The following ABCA13 variants were observed in gnomAD, a reference collection of about 807,000 sequenced individuals.
The protein encoded by ABCA13 is ATP binding cassette subfamily A member 13.
ABCA13 carries 476 observed loss-of-function variants against 478.7 expected under a neutral mutation model. The observed-to-expected ratio is 0.99, with a 90% CI of 0.92 to 1.07. The LOEUF is 1.07. Ranked by LOEUF, ABCA13 falls within the 50% of genes least tolerant of loss-of-function variation. The pLI, the probability that ABCA13 is intolerant of heterozygous loss-of-function variation, is 0.00. For missense variants in ABCA13, 6,060 were observed against 5,910.6 expected (o/e 1.03, Z -0.83); for synonymous variants, 2,252 against 2,158.9 (o/e 1.04, Z -1.20).
At chr7:48,195,896 G>C (rs569584464) in intron 2 of ABCA13, among the ~76,000 whole-genome samples, 1 of 152,072 alleles carries the variant, frequency 6.6e-6, no homozygotes, top group Non-Finnish European at 1.5e-5. Context: ...AAGTTCTCCA[G>C]GGCAGTTCAG....
chr7:48,331,152 T>A (rs576831322), intron 27 of ABCA13, among the ~76,000 whole-genome samples: 83 of 152,348 alleles, frequency 5.4e-4, no homozygotes, highest in African/African-American at 1.9e-3. Context: ...TCTTGTGCTA[T>A]GACCTAGTCA....
At chr7:48,534,427 T>C (rs1159740642) in intron 55 of ABCA13, among the ~76,000 whole-genome samples, 1 of 152,214 alleles carries the variant, frequency 6.6e-6, no homozygotes, top group Non-Finnish European at 1.5e-5. Flanking sequence ...GTCTTTACTT[T>C]AGATAACCTG....
chr7:48,434,928 T>A (rs1822630303), intron 42 of ABCA13, among the ~76,000 whole-genome samples: 1 of 151,924 alleles, frequency 6.6e-6, no homozygotes, highest in Admixed American at 6.6e-5. Flanking sequence ...ACCTTTGAAA[T>A]CAGAAAGTGG....
intron 27 of ABCA13, among the ~76,000 whole-genome samples, chr7:48,319,939 T>A (rs1024268423): frequency 6.6e-6 from 1 of 152,160 alleles, no homozygotes; most frequent in African/African-American, 2.4e-5. Context: ...CTCTGGGCTC[T>A]GATATCCCCA....
At chr7:48,335,360 G>T in intron 27 of ABCA13, 62 bp from the exon 28 acceptor site, 1 of 1,278,930 alleles carries the variant, frequency 7.8e-7, no homozygotes. Context: ...GTCCTTGTTG[G>T]AAGATTTATC....
intron 41 of ABCA13, among the ~76,000 whole-genome samples, chr7:48,414,567 T>G (rs1819707460): frequency 6.7e-6 from 1 of 149,962 alleles, no homozygotes; most frequent in Non-Finnish European, 1.5e-5. Context: ...AATATACATA[T>G]GTATACATAT....
intron 2 of ABCA13, among the ~76,000 whole-genome samples, chr7:48,197,160 A>C (rs1038300050): frequency 6.6e-6 from 1 of 152,204 alleles, no homozygotes; most frequent in Non-Finnish European, 1.5e-5. Flanking sequence ...ATGCAGGAGG[A>C]CAGGCACAAG....
At chr7:48,520,380 T>C (rs1832460241) in intron 53 of ABCA13, 86 bp downstream of exon 53, 1 of 1,410,444 alleles carries the variant, frequency 7.1e-7, no homozygotes, top group Non-Finnish European at 9.4e-7. Flanking sequence ...GGTTGTAAAA[T>C]AAAAATTATA....
chr7:48,600,327 A>G (rs1790751538), intron 58 of ABCA13, among the ~76,000 whole-genome samples: 1 of 151,380 alleles, frequency 6.6e-6, no homozygotes, highest in African/African-American at 2.4e-5. Flanking sequence ...TGTTTCCTAT[A>G]GATTGTGTAT....
chr7:48,505,376 A>G (rs914552192), intron 48 of ABCA13, among the ~76,000 whole-genome samples: 2 of 152,176 alleles, frequency 1.3e-5, no homozygotes, highest in African/African-American at 4.8e-5. Flanking sequence ...ATGATGTTTC[A>G]GTAAGGATTT....
Position 48,392,110 on chromosome 7 carries a change from C to T in ABCA13, c.11844C>T (p.Thr3948=), listed in dbSNP as rs766744093. ...LFASIKAPQW[T]KKELHQQVNQ... ...CTTCCATAAAGGCGCCTCAGTGGAC[C>T]AAGAAGGAGCTGCATCAGCAAGTCA... Residue 3948 remains threonine (T), a synonymous_variant, in exon 38 of 62, where the codon ACC becomes ACT. Coordinates refer to ENST00000435803, the MANE Select transcript of ABCA13 (RefSeq NM_152701.5). 1.3e-5 allele frequency: 21 copies of T among 1,613,744 alleles called. No homozygotes were observed. The highest frequency in any genetic ancestry group is 1.7e-5 in the Non-Finnish European group (20 of 1,179,870).
In ABCA13 at chr7:48,621,834, A is replaced by G. The variant is rs114829324; in HGVS notation, c.14837+6457A>G. Among the ~76,000 whole-genome samples the G allele has an allele frequency of 9.5e-3, 1,452 of 152,264 alleles. 18 individuals carry two copies. The highest frequency in any genetic ancestry group is 0.034 in the African/African-American group (1,402 of 41,540). On this transcript the variant is annotated intron_variant, in intron 59 of 61. Coordinates refer to ENST00000435803, the MANE Select transcript of ABCA13 (RefSeq NM_152701.5). ...ATTTCTATTAGTGGGATTTAGCTAA[A>G]AGCATTTTCCTGATGCTGGTTTGGG... is the stretch of plus-strand genomic sequence containing the variant.
At chr7:48,585,622 CCTAA>C (rs1401324344) in intron 56 of ABCA13, among the ~76,000 whole-genome samples, 4 of 152,026 alleles carry the variant, frequency 2.6e-5, no homozygotes, top group African/African-American at 4.8e-5. Context: ...TTGTTATTAT[CCTAA>C]CTTTTATGTA....
intron 31 of ABCA13, among the ~76,000 whole-genome samples, chr7:48,365,080 T>C (rs182959989): frequency 6.6e-6 from 1 of 152,318 alleles, no homozygotes; most frequent in Admixed American, 6.5e-5. Flanking sequence ...TCTGTTATTT[T>C]CTCTCTTTTT....
In ABCA13 at chr7:48,389,199, G is replaced by A. The variant is rs1276381845; in HGVS notation, c.11633G>A (p.Gly3878Asp). ...DQITALLGTN[G>D]AGKTTIISML... ...ATCACCGCCCTGCTGGGGACAAACG[G>A]TGCCGGGAAAACCACTATCATGTGG... The change falls in exon 37 of 62, where the codon GGT (glycine) becomes GAT (aspartate). Residue 3878 changes from glycine (G) to aspartate (D), a missense_variant. By Grantham distance (94) the Gly-to-Asp change is moderately conservative. Transcript: ENST00000435803. 1.2e-6 allele frequency: 2 copies of A among 1,613,490 alleles called. No individual in the cohort carries two copies. Among genetic ancestry groups the A allele is most frequent in the Admixed American group, 3.3e-5 (2 of 59,958 alleles).
intron 55 of ABCA13, among the ~76,000 whole-genome samples, chr7:48,564,627 A>G (rs944546650): frequency 2.6e-5 from 4 of 151,900 alleles, no homozygotes; most frequent in Non-Finnish European, 5.9e-5. Flanking sequence ...ATCTATCAAT[A>G]TCTTGTAAAT....
chr7:48,365,627 C>T (rs561637831), intron 31 of ABCA13, among the ~76,000 whole-genome samples: 1 of 152,254 alleles, frequency 6.6e-6, no homozygotes, highest in South Asian at 2.1e-4. Context: ...TTTCATTCTT[C>T]TGCATATGGT....
chr7:48,424,599 T>C (rs1325914501), intron 41 of ABCA13, among the ~76,000 whole-genome samples: 1 of 152,238 alleles, frequency 6.6e-6, no homozygotes, highest in Non-Finnish European at 1.5e-5. Flanking sequence ...GAGGACTTAC[T>C]GTAAAATGAT....
chr7:48,414,805 G>A (rs1407834213), intron 41 of ABCA13, among the ~76,000 whole-genome samples: 2 of 152,056 alleles, frequency 1.3e-5, no homozygotes, highest in African/African-American at 4.8e-5. Flanking sequence ...AATCAGAACA[G>A]TTTGCCTGGT....
Sources: allele counts gnomAD v4.1 joint callset (sites outside exome capture counted in the v4.1 genomes callset), GRCh38; gene constraint gnomAD v4.1.1; transcripts MANE v1.5; gene names NCBI Gene and HGNC (gene_info 2026-07-23, HGNC 2026-07-21).